CAMK4: variants seen among roughly 807,000 people sequenced by gnomAD.
CAMK4 encodes the protein calcium/calmodulin dependent protein kinase IV.
CAMK4 carries 22 observed loss-of-function variants against 44.9 expected under a neutral mutation model. The observed-to-expected ratio is 0.49, with a 90% CI of 0.35 to 0.70. CAMK4 has a LOEUF of 0.70. Ranked by LOEUF, CAMK4 falls within the 30% of genes least tolerant of loss-of-function variation. The pLI is 0.01. For missense variants in CAMK4, 498 were observed against 586.8 expected, an observed-to-expected ratio of 0.85 and a Z score of 1.56; for synonymous variants, 218 against 215.4, an observed-to-expected ratio of 1.01 and a Z score of -0.11.
chr5:111,283,043 A>C (rs1751087755), intron 1 of CAMK4: 1 of 152,240 alleles, frequency 6.6e-6, no homozygotes, highest in Non-Finnish European at 1.5e-5. Flanking sequence ...TAGCCTGGGA[A>C]AAGATTGAGA....
chr5:111,443,328 C>CTATATATATAGTA (rs1554072218), intron 5 of CAMK4, among the ~76,000 whole-genome samples: 1 of 106,074 alleles, frequency 9.4e-6, no homozygotes, highest in Non-Finnish European at 1.9e-5. Flanking sequence ...TATATATATA[C>CTATATATATAGTA]TATATATACT....
Position 111,277,193 on chromosome 5 carries a change from T to C in CAMK4, c.161+52549T>C, listed in dbSNP as rs553744691. ...GACAGAACGCATGAAGCTCCATGAA[T>C]ACTGGAAGTATTTGAATCCTTGAGA... On this transcript the variant is annotated intron_variant, in intron 1 of 10. Transcript: ENST00000282356. 2.6e-4 allele frequency among the ~76,000 whole-genome samples: 39 copies of C among 152,370 alleles called. No homozygotes were observed. In the East Asian group the frequency reaches 6.9e-3, roughly 27 times the overall value.
intron 3 of CAMK4, among the ~76,000 whole-genome samples, chr5:111,375,629 G>A (rs1160193223): frequency 6.6e-6 from 1 of 152,164 alleles, no homozygotes; most frequent in African/African-American, 2.4e-5. Flanking sequence ...ATATGAGTTA[G>A]GGAAGCATTC....
intron 5 of CAMK4, among the ~76,000 whole-genome samples, chr5:111,428,172 A>G (rs889599903): frequency 2.2e-4 from 34 of 152,272 alleles, no homozygotes. Context: ...CCACAGTGTT[A>G]CTGGGCTTGG....
chr5:111,363,862 A>T (rs757266499), intron 2 of CAMK4, among the ~76,000 whole-genome samples: 1 of 152,140 alleles, frequency 6.6e-6, no homozygotes, highest in Admixed American at 6.6e-5. Flanking sequence ...TGGGACTCCA[A>T]CAAAGGCATT....
chr5:111,431,664 G>GA (rs1034079551), intron 5 of CAMK4, among the ~76,000 whole-genome samples: 3 of 151,774 alleles, frequency 2.0e-5, no homozygotes, highest in Non-Finnish European at 2.9e-5. Context: ...AACTCTATAG[G>GA]AAAAAAATCT....
rs191357533 is a variant in CAMK4, at chr5:111,290,027, T to G, written c.162-53997T>G. On this transcript the variant is annotated intron_variant, in intron 1 of 10. Coordinates refer to ENST00000282356, the MANE Select transcript of CAMK4 (RefSeq NM_001744.6). This position sits in a 1 kb window ranked among gnomAD's most constrained non-coding sequence, Gnocchi z 4.5. ...AAGCTGTGGGGACAGGAAATACAAA[T>G]TACACACATGGAAGATGGTAAGTAT... 4.7e-4 allele frequency among the ~76,000 whole-genome samples: 71 copies of G among 152,304 alleles called. 1 individual carries two copies. The highest frequency in any genetic ancestry group is 1.7e-3 in the African/African-American group (70 of 41,568).
chr5:111,270,100 C>G (rs946168735), intron 1 of CAMK4: 5 of 152,324 alleles, frequency 3.3e-5, no homozygotes, highest in African/African-American at 1.2e-4. Flanking sequence ...TCCCAAAGAG[C>G]TTTCTCTCTC....
chr5:111,407,347 T>TAAAAAA (rs11410135), intron 5 of CAMK4, among the ~76,000 whole-genome samples: 1 of 136,736 alleles, frequency 7.3e-6, no homozygotes, highest in Non-Finnish European at 1.6e-5. Flanking sequence ...AGAGACTCCT[T>TAAAAAA]AAAAAAAAAA....
chr5:111,379,104 A>G (rs913825944), intron 4 of CAMK4, among the ~76,000 whole-genome samples: 3 of 152,156 alleles, frequency 2.0e-5, no homozygotes, highest in African/African-American at 7.2e-5. Context: ...GACCTTGCAT[A>G]TTTCTCTGCT....
chr5:111,392,308 C>T (rs1033414506), intron 4 of CAMK4, among the ~76,000 whole-genome samples: 4 of 151,984 alleles, frequency 2.6e-5, no homozygotes, highest in African/African-American at 9.7e-5. Context: ...AGAGAGAGAG[C>T]ACAAAGGGGG....
intron 5 of CAMK4, among the ~76,000 whole-genome samples, chr5:111,426,950 G>C (rs1349917299): frequency 6.6e-6 from 1 of 152,162 alleles, no homozygotes; most frequent in Non-Finnish European, 1.5e-5. Context: ...ACTCTTACAA[G>C]AGTCCCAGTG....
At chr5:111,229,863 G>C (rs982498328) in intron 1 of CAMK4, among the ~76,000 whole-genome samples, 6 of 152,202 alleles carry the variant, frequency 3.9e-5, no homozygotes, top group African/African-American at 1.4e-4. Context: ...AAAAACTGGG[G>C]CTTCATAGGG....
At chr5:111,342,018 C>G (rs1024356659) in intron 1 of CAMK4, among the ~76,000 whole-genome samples, 1 of 151,448 alleles carries the variant, frequency 6.6e-6, no homozygotes, top group Admixed American at 6.6e-5. Flanking sequence ...ACCGCTCTCT[C>G]GATTACTGTA....
At chr5:111,390,592 T>C (rs1751762458) in intron 4 of CAMK4, among the ~76,000 whole-genome samples, 1 of 152,194 alleles carries the variant, frequency 6.6e-6, no homozygotes, top group Admixed American at 6.5e-5. Flanking sequence ...AACTGTCCTT[T>C]ATGTTTTGAA....
chr5:111,325,582 G>A (rs549532274), intron 1 of CAMK4, among the ~76,000 whole-genome samples: 4 of 152,076 alleles, frequency 2.6e-5, no homozygotes, highest in Non-Finnish European at 4.4e-5. Flanking sequence ...TAACTGGCAT[G>A]CGATGGTATC....
chr5:111,291,692 TG>T (rs1343768743), intron 1 of CAMK4, among the ~76,000 whole-genome samples: 2 of 152,040 alleles, frequency 1.3e-5, no homozygotes, highest in African/African-American at 2.4e-5. Context: ...TAATTTTTTT[TG>T]TGGAGATGGG....
At chr5:111,232,784 G>GA (rs1748538556) in intron 1 of CAMK4, among the ~76,000 whole-genome samples, 1 of 150,502 alleles carries the variant, frequency 6.6e-6, no homozygotes, top group African/African-American at 2.4e-5. Context: ...TTTTTTTAAG[G>GA]AAAAAACAAT....
chr5:111,237,536 G>T (rs1432782143), intron 1 of CAMK4, among the ~76,000 whole-genome samples: 1 of 152,184 alleles, frequency 6.6e-6, no homozygotes, highest in African/African-American at 2.4e-5. Flanking sequence ...TTTAAAAAAT[G>T]TACCTATTGT....
Sources: gnomAD v4.1 joint callset for allele counts (sites outside exome capture counted in the v4.1 genomes callset) on GRCh38, gnomAD v4.1.1 for gene constraint, Gnocchi (gnomAD v3.1) non-coding constraint, MANE v1.5 for transcripts, NCBI Gene and HGNC (gene_info 2026-07-23, HGNC 2026-07-21) for gene names.